The following TAGLN variants were observed in gnomAD, a reference collection of about 807,000 sequenced individuals.
TAGLN encodes transgelin.
Under a neutral mutation model 21.9 loss-of-function variants are expected in TAGLN, and 16 were observed. The ratio of observed to expected loss-of-function variants is 0.73; its 90% CI spans 0.49 to 1.11. The LOEUF (loss-of-function observed/expected upper bound fraction) is 1.11. Among genes scored for constraint, TAGLN ranks in the 50% least tolerant of loss-of-function variants. The pLI, the probability that TAGLN is intolerant of heterozygous loss-of-function variation, is 0.00. For synonymous variants in TAGLN, 96 were observed against 94.9 expected (o/e 1.01, Z -0.06); for missense variants, 248 against 263.2 (o/e 0.94, Z 0.40).
At chr11:117,202,740 T>G (rs762976844) in intron 1 of TAGLN, 15 of 275,660 alleles carry the variant, frequency 5.4e-5, no homozygotes, top group Non-Finnish European at 8.9e-5. Context: ...AAGCCTAAAA[T>G]ATGTTCTGTC....
chr11:117,199,524 G>A (rs575041233), intron 1 of TAGLN, 92 bp downstream of exon 1: 15 of 152,426 alleles, frequency 9.8e-5, no homozygotes, highest in African/African-American at 3.1e-4. Flanking sequence ...TGAGGTCCCA[G>A]GCGCCAGCTC....
Position 117,204,227 on chromosome 11 carries a change from G to A in TAGLN, c.474G>A (p.Glu158=), listed in dbSNP as rs1188736073. Residue 158 remains glutamate (E), a synonymous_variant, in exon 5 of 5, where the codon GAG becomes GAA. Transcript: ENST00000392951. The part of the protein sequence containing the change: ...DPNWFMKKAQ[E]HKREFTESQL... ...CCTCCTCTTCTAGGAAAGCGCAGGAGCATAAGAGGGAATTCACAGAGAGCC... is the reference window on the plus strand; with the variant it reads ...CCTCCTCTTCTAGGAAAGCGCAGGAACATAAGAGGGAATTCACAGAGAGCC... 4 of 1,614,258 alleles carry A rather than the reference G, an allele frequency of 2.5e-6. No individual in the cohort carries two copies. Among genetic ancestry groups the A allele is most frequent in the Non-Finnish European group, 3.4e-6 (4 of 1,180,042 alleles).
intron 1 of TAGLN, 79 bp from the exon 2 acceptor site, chr11:117,202,923 G>A (rs2031156567): frequency 1.4e-6 from 2 of 1,380,794 alleles, no homozygotes; most frequent in East Asian, 4.8e-5. Context: ...CACAGAGCTA[G>A]AAGGCTGCCT....
rs1230450335 is a variant in TAGLN at position 117,206,814 on chromosome 11, G to A, written c.*2455G>A. 1 of 710,246 alleles carries A rather than the reference G, an allele frequency of 1.4e-6. No homozygotes were observed. The highest frequency in any genetic ancestry group is 1.8e-5 in the African/African-American group (1 of 55,760). The allele number at this position is 710,246 out of a possible 1,614,324, so 44.0% of individuals were successfully genotyped here. On this transcript the variant is annotated 3_prime_UTR_variant, in exon 5 of 5. Coordinates refer to ENST00000392951, the MANE Select transcript of TAGLN (RefSeq NM_003186.5). ...CTCTAACAGCCTGTGGAGAAGAAAA[G>A]AGGTGAGGATGCCCCACTGACTATG...
chr11:117,202,380 T>G (rs544610604), intron 1 of TAGLN: 15 of 152,336 alleles, frequency 9.8e-5, no homozygotes, highest in African/African-American at 3.6e-4. Context: ...AGAGCTGGAG[T>G]TCTGGAGTTC....
chr11:117,203,751 T>C lies in TAGLN; in HGVS notation c.359-31T>C, dbSNP rs776097926. ...TGGAGTCTTGTTTATACGTTCTTGA[T>C]GTTCATCTCCTCTCTCCTGTCTTCT... On this transcript the variant is annotated intron_variant, in intron 3 of 4. Transcript: ENST00000392951. The surrounding 1 kb of genome is among the most constrained non-coding windows in gnomAD (Gnocchi z 4.4). 3.1e-6 allele frequency: 5 copies of C among 1,597,840 alleles called. 1 individual carries two copies. Among genetic ancestry groups the C allele is most frequent in the Middle Eastern group, 1.7e-4 (1 of 5,900 alleles).
chr11:117,201,447 T>G (rs1446655810), intron 1 of TAGLN: 1 of 152,176 alleles, frequency 6.6e-6, no homozygotes, highest in Non-Finnish European at 1.5e-5. Context: ...CACTCCTTGG[T>G]CAAGGGCAGG....
In TAGLN at chr11:117,203,393, G is replaced by A. The variant is rs12970; in HGVS notation, c.267G>A (p.Lys89=). The A allele has an allele frequency of 0.064, 103,474 of 1,614,164 alleles. 3,530 individuals carry two copies. The highest frequency in any genetic ancestry group is 0.12 in the Middle Eastern group (754 of 6,062). ...AGAACCCACCCTCCATGGTCTTCAA[G>A]CAGATGGAGCAGGTGGCTCAGTTCC... The part of the protein sequence containing the change: ...VPENPPSMVF[K]QMEQVAQFLK... The change falls in exon 3 of 5, where the codon AAG becomes AAA. Residue 89 remains lysine (K), a synonymous_variant. Transcript: ENST00000392951. This position sits in a 1 kb window ranked among gnomAD's most constrained non-coding sequence, Gnocchi z 4.4.
Position 117,204,577 on chromosome 11 carries a change from C to A in TAGLN, c.*218C>A, listed in dbSNP as rs2031257647. The A allele has an allele frequency of 4.1e-5, 29 of 703,966 alleles. 1 individual carries two copies. The East Asian group carries it at 8.3e-4, about 20-fold the overall frequency. The allele number at this position is 703,966 out of a possible 1,614,324, so 43.6% of individuals were successfully genotyped here. A position where few individuals can be genotyped will look rare whatever the true frequency, so the allele number is the denominator to read the frequency against. ...CGAAAGCATCACTGCCTTGGCCCCT[C>A]CCTCCCGGCTGCCCCCATCACCTCT... On this transcript the variant is annotated 3_prime_UTR_variant, in exon 5 of 5. Coordinates refer to ENST00000392951, the MANE Select transcript of TAGLN (RefSeq NM_003186.5).
chr11:117,203,101 CTGG>C lies in TAGLN; in HGVS notation c.92_94del (p.Val31del). On this transcript the variant is annotated inframe_deletion, in exon 2 of 5. Coordinates refer to ENST00000392951, the MANE Select transcript of TAGLN (RefSeq NM_003186.5). This position sits in a 1 kb window ranked among gnomAD's most constrained non-coding sequence, Gnocchi z 4.4. The stretch of plus-strand genomic sequence containing the variant: ...GTATGACGAGGAGCTGGAGGAGCGG[CTGG>C]TGGAGTGGATCATAGTGCAGTGTGG... The C allele has an allele frequency of 6.2e-7, 1 of 1,612,802 alleles. No individual in the cohort carries two copies. The highest frequency in any genetic ancestry group is 8.5e-7 in the Non-Finnish European group (1 of 1,179,318).
rs1354025702 is a variant in TAGLN at position 117,204,263 on chromosome 11, G to A, written c.510G>A (p.Glu170=). The A allele has an allele frequency of 1.2e-6, 2 of 1,614,150 alleles. No homozygotes were observed. The highest frequency in any genetic ancestry group is 2.2e-5 in the East Asian group (1 of 44,908). ...AATTCACAGAGAGCCAGCTGCAGGA[G>A]GGAAAGCATGTCATTGGCCTTCAGA... ...KREFTESQLQ[E]GKHVIGLQMG... The change falls in exon 5 of 5, where the codon GAG becomes GAA. Residue 170 remains glutamate, a synonymous_variant. Coordinates refer to ENST00000392951, the MANE Select transcript of TAGLN (RefSeq NM_003186.5).
rs2031242417 is a variant in TAGLN, at chr11:117,204,339, C to T, written c.586C>T (p.Pro196Ser). The change falls in exon 5 of 5, where the codon CCT becomes TCT. Residue 196 changes from proline (P) to serine (S), a missense_variant. Coordinates refer to ENST00000392951, the MANE Select transcript of TAGLN (RefSeq NM_003186.5). ...GGCCGGCATGACAGGCTACGGACGA[C>T]CTCGGCAGATCATCAGTTAGAGCGG... ...SQAGMTGYGR[P>S]RQIIS The T allele has an allele frequency of 1.2e-6, 2 of 1,614,122 alleles. No homozygotes were observed. The highest frequency in any genetic ancestry group is 8.5e-7 in the Non-Finnish European group (1 of 1,180,062).
In TAGLN at chr11:117,203,013, C is replaced by T. The variant is rs1336701502; in HGVS notation, c.-1C>T. ...CTGGCCTGCTTTAGCTTTCCCCAGA[C>T]ATGGCCAACAAGGGTCCTTCCTATG... On this transcript the variant is annotated 5_prime_UTR_variant, in exon 2 of 5. Transcript: ENST00000392951. The surrounding 1 kb of genome is among the most constrained non-coding windows in gnomAD (Gnocchi z 4.4). 6.4e-7 allele frequency: 1 copy of T among 1,554,820 alleles called. No individual in the cohort carries two copies. Among genetic ancestry groups the T allele is most frequent in the East Asian group, 2.3e-5 (1 of 44,354 alleles).
In TAGLN at chr11:117,200,695, C is replaced by T. The variant is rs140212268; in HGVS notation, c.-13+1263C>T. On this transcript the variant is annotated intron_variant, in intron 1 of 4. Coordinates refer to ENST00000392951, the MANE Select transcript of TAGLN (RefSeq NM_003186.5). ...GGTGTGTGCTTCATCCCCCTCTGAC[C>T]GAAATCCTAATCTTGTCTCTAGATC... is the stretch of plus-strand genomic sequence containing the variant. Among the ~76,000 whole-genome samples, 3 of 152,162 alleles carry T rather than the reference C, an allele frequency of 2.0e-5. No homozygotes were observed. The East Asian group carries it at 5.8e-4, about 29-fold the overall frequency.
rs781226472 is a variant in TAGLN at position 117,203,628 on chromosome 11, C to T, written c.358+144C>T. The T allele has an allele frequency of 4.4e-5, 55 of 1,246,874 alleles. No individual in the cohort carries two copies. The highest frequency in any genetic ancestry group is 2.7e-4 in the Middle Eastern group (1 of 3,726). 77.2% of individuals were successfully genotyped at this position (1,246,874 alleles called of 1,614,324 possible). On this transcript the variant is annotated intron_variant, in intron 3 of 4. Transcript: ENST00000392951. The surrounding 1 kb of genome is among the most constrained non-coding windows in gnomAD (Gnocchi z 4.4). Reference sequence around the variant, plus strand: ...GGGATATGCCGAGAATAACACGCCACGCTCACAGGGCCCACTGAGAGGCCT... The same window carrying T: ...GGGATATGCCGAGAATAACACGCCATGCTCACAGGGCCCACTGAGAGGCCT...
In TAGLN at chr11:117,203,202, C is replaced by T; in HGVS notation, c.180+9C>T. On this transcript the variant is annotated intron_variant, in intron 2 of 4. Coordinates refer to ENST00000392951, the MANE Select transcript of TAGLN (RefSeq NM_003186.5). The surrounding 1 kb of genome is among the most constrained non-coding windows in gnomAD (Gnocchi z 4.4). The stretch of plus-strand genomic sequence containing the variant: ...GGCTGAAGAATGGCGTGGTGAGTGG[C>T]ACCCTGGGCTAGGGCGCTGGGGGGC... The T allele has an allele frequency of 6.3e-7, 1 of 1,589,784 alleles. No individual in the cohort carries two copies. Among genetic ancestry groups the T allele is most frequent in the Non-Finnish European group, 8.6e-7 (1 of 1,165,222 alleles).
rs999931678 is a variant in TAGLN, at chr11:117,204,773, A to G, written c.*414A>G. On this transcript the variant is annotated 3_prime_UTR_variant, in exon 5 of 5. Transcript: ENST00000392951. ...GGGGTTGGAACTCAAAAAAAAAAAA[A>G]AAAAATCAATCTTTTCTCAGGCCTG... 8 of 313,618 alleles carry G rather than the reference A, an allele frequency of 2.6e-5. No individual in the cohort carries two copies. The highest frequency in any genetic ancestry group is 1.3e-4 in the Admixed American group (3 of 23,618). 19.4% of individuals were successfully genotyped at this position (313,618 alleles called of 1,614,324 possible).
At position 117,203,825 on chromosome 11, in the gene TAGLN, C is replaced by T. The variant is rs745707933; in HGVS notation, c.402C>T (p.Gly134=). ...AAVQRTLMAL[G]SLAVTKNDGH... is the part of the protein sequence containing the mutation. ...TGCAGAGGACCCTGATGGCTTTGGG[C>T]AGCTTGGCAGTGACCAAGAATGATG... Residue 134 remains glycine, a synonymous_variant, in exon 4 of 5, where the codon GGC becomes GGT. Transcript: ENST00000392951. The surrounding 1 kb of genome is among the most constrained non-coding windows in gnomAD (Gnocchi z 4.4). 6.2e-7 allele frequency: 1 copy of T among 1,614,000 alleles called. No homozygotes were observed. The highest frequency in any genetic ancestry group is 8.5e-7 in the Non-Finnish European group (1 of 1,179,932).
chr11:117,203,229 G>A lies in TAGLN; in HGVS notation c.180+36G>A. The A allele has an allele frequency of 6.3e-7, 1 of 1,595,254 alleles. No homozygotes were observed. The highest frequency in any genetic ancestry group is 1.3e-5 in the African/African-American group (1 of 74,726). ...CCCTGGGCTAGGGCGCTGGGGGGCT[G>A]GGGTGTGCCACCCTGTGAGTCCTGG... On this transcript the variant is annotated intron_variant, in intron 2 of 4. Coordinates refer to ENST00000392951, the MANE Select transcript of TAGLN (RefSeq NM_003186.5). The surrounding 1 kb of genome is among the most constrained non-coding windows in gnomAD (Gnocchi z 4.4).
Sources: gnomAD v4.1 joint callset for allele counts (sites outside exome capture counted in the v4.1 genomes callset) on GRCh38, gnomAD v4.1.1 for gene constraint, Gnocchi (gnomAD v3.1) non-coding constraint, MANE v1.5 for transcripts, NCBI Gene and HGNC (gene_info 2026-07-23, HGNC 2026-07-21) for gene names.